POLR2B: variants seen among roughly 807,000 people sequenced by gnomAD.
POLR2B encodes the protein RNA polymerase II subunit B, also known as DNA-directed RNA polymerase II subunit RPB2.
A neutral mutation model predicts 144.6 loss-of-function variants in POLR2B; 57 were observed. The observed-to-expected ratio is 0.39, with a 90% CI of 0.32 to 0.49. The LOEUF is 0.49. Among genes scored for constraint, POLR2B ranks in the 20% least tolerant of loss-of-function variants. The pLI is 0.83. For synonymous variants in POLR2B, 442 were observed against 469.8 expected (o/e 0.94, Z 0.77); for missense variants, 595 against 1,467.4 (o/e 0.41, Z 9.71).
chr4:56,985,128 TA>T, intron 1 of POLR2B: 1 of 159,312 alleles, frequency 6.3e-6, no homozygotes, highest in Non-Finnish European at 1.3e-5. Flanking sequence ...ACTCAAGGAC[TA>T]AAATTGCTAA....
chr4:57,002,143 T>A (rs1722874910), intron 7 of POLR2B, among the ~76,000 whole-genome samples: 1 of 152,162 alleles, frequency 6.6e-6, no homozygotes, highest in African/African-American at 2.4e-5. Context: ...TTCTCCCACC[T>A]CAGCCTCCTG....
chr4:56,991,419 T>C (rs1722504731), intron 3 of POLR2B, among the ~76,000 whole-genome samples: 2 of 152,234 alleles, frequency 1.3e-5, no homozygotes, highest in Non-Finnish European at 2.9e-5. Flanking sequence ...TTTTATAATT[T>C]GGTTTTACAT....
At position 57,023,352 on chromosome 4, in the gene POLR2B, CA is replaced by C; in HGVS notation, c.2540del (p.Lys847SerfsTer7). On this transcript the variant is annotated frameshift_variant, in exon 19 of 25. Transcript: ENST00000314595. LOFTEE classifies it high-confidence loss of function. The surrounding 1 kb of genome is among the most constrained non-coding windows in gnomAD (Gnocchi z 4.3). The stretch of plus-strand genomic sequence containing the variant: ...CAGGCATGAGGCATGCCATTTACGA[CA>C]AGCTGGATGATGATGGTTTGATAGC... ...CQGMRHAIYD[K>X]LDDDGLIAPG... 1 of 1,613,946 alleles carries C rather than the reference CA, an allele frequency of 6.2e-7. No individual in the cohort carries two copies. Among genetic ancestry groups the C allele is most frequent in the Non-Finnish European group, 8.5e-7 (1 of 1,179,886 alleles).
At chr4:57,021,701 A>G (rs1362454861) in intron 17 of POLR2B, among the ~76,000 whole-genome samples, 3 of 151,954 alleles carry the variant, frequency 2.0e-5, no homozygotes, top group African/African-American at 7.3e-5. Context: ...GGGTTTCACC[A>G]TGTTGGCCAG....
chr4:56,987,063 C>T (rs1025632715), intron 2 of POLR2B, among the ~76,000 whole-genome samples: 2 of 152,020 alleles, frequency 1.3e-5, no homozygotes, highest in African/African-American at 2.4e-5. Flanking sequence ...TTGAAGAATA[C>T]GGGCCAGTTA....
At position 57,023,188 on chromosome 4, in the gene POLR2B, T is replaced by C; in HGVS notation, c.2516-142T>C. 2 of 717,556 alleles carry C rather than the reference T, an allele frequency of 2.8e-6. No individual in the cohort carries two copies. Among genetic ancestry groups the C allele is most frequent in the Non-Finnish European group, 4.6e-6 (2 of 436,270 alleles). The allele number at this position is 717,556 out of a possible 1,614,324, so 44.4% of individuals were successfully genotyped here. A position where few individuals can be genotyped will look rare whatever the true frequency, so the allele number is the denominator to read the frequency against. On this transcript the variant is annotated intron_variant, in intron 18 of 24. Transcript: ENST00000314595. This position sits in a 1 kb window ranked among gnomAD's most constrained non-coding sequence, Gnocchi z 4.3. ...TGGGCTGTAGTATTAGAGTTCAGAA[T>C]AGTTTGTAATATTTGGAATAAGGGT...
intron 1 of POLR2B, 23 bp from the exon 2 acceptor site, chr4:56,986,331 G>T (rs1167663085): frequency 6.2e-6 from 9 of 1,459,060 alleles, no homozygotes; most frequent in Non-Finnish European, 7.7e-6. Context: ...TTGCAAATGA[G>T]TACAATATTT....
chr4:56,999,646 C>T lies in POLR2B; in HGVS notation c.765C>T (p.Arg255=), dbSNP rs1233685740. Reference sequence around the variant, plus strand: ...CCAAGAAGAGTGCTATTGGTCAGCGCATTGTGGCAACTCTACCATATATCA... The same window carrying T: ...CCAAGAAGAGTGCTATTGGTCAGCGTATTGTGGCAACTCTACCATATATCA... ...QGAKKSAIGQ[R]IVATLPYIKQ... is the part of the protein sequence containing the mutation. The change falls in exon 7 of 25, where the codon CGC becomes CGT. Residue 255 remains arginine (R), a synonymous_variant. Transcript: ENST00000314595. The T allele has an allele frequency of 5.0e-6, 8 of 1,612,082 alleles. No homozygotes were observed. In the Admixed American group the frequency reaches 1.3e-4, roughly 27 times the overall value.
Position 57,020,831 on chromosome 4 carries a change from T to A in POLR2B, c.2324-68T>A, listed in dbSNP as rs1322093341. 6 of 865,198 alleles carry A rather than the reference T, an allele frequency of 6.9e-6. No individual in the cohort carries two copies. The African/African-American group carries it at 9.9e-5, about 14-fold the overall frequency. 53.6% of individuals were successfully genotyped at this position (865,198 alleles called of 1,614,324 possible). A position where few individuals can be genotyped will look rare whatever the true frequency, so the allele number is the denominator to read the frequency against. On this transcript the variant is annotated intron_variant, in intron 16 of 24. Transcript: ENST00000314595. ...GCAAATATGATGTAATTAAAGTTGA[T>A]TTAAAGAAAGGGCAGTTTTTCTGTT... is the stretch of plus-strand genomic sequence containing the variant.
intron 23 of POLR2B, 59 bp downstream of exon 23, chr4:57,025,596 C>T: frequency 8.3e-7 from 1 of 1,201,134 alleles, no homozygotes; most frequent in Non-Finnish European, 1.2e-6. Flanking sequence ...AAAATGTCAA[C>T]ACACCAAAAT....
At chr4:57,027,257 C>T (rs927968600) in intron 23 of POLR2B, among the ~76,000 whole-genome samples, 1 of 152,098 alleles carries the variant, frequency 6.6e-6, no homozygotes, top group Admixed American at 6.6e-5. Flanking sequence ...GATCCGCCTG[C>T]CTTGGCCTTC....
At chr4:57,000,526 C>A (rs955458939) in intron 7 of POLR2B, among the ~76,000 whole-genome samples, 4 of 152,150 alleles carry the variant, frequency 2.6e-5, no homozygotes, top group African/African-American at 9.7e-5. Context: ...CTTTATCATT[C>A]ATTCTTTCTA....
chr4:57,019,814 C>G (rs187903693), intron 16 of POLR2B, among the ~76,000 whole-genome samples: 1 of 137,636 alleles, frequency 7.3e-6, no homozygotes, highest in Non-Finnish European at 1.5e-5. Flanking sequence ...TCAAACCTAA[C>G]GATGTCTTTA....
chr4:57,029,429 A>T (rs1723836912), intron 23 of POLR2B, among the ~76,000 whole-genome samples: 1 of 152,190 alleles, frequency 6.6e-6, no homozygotes, highest in Non-Finnish European at 1.5e-5. Context: ...CTGGTTGTCT[A>T]ATGATCCAGA....
chr4:57,023,412 T>C lies in POLR2B; in HGVS notation c.2598T>C (p.Ile866=), dbSNP rs1020609961. The C allele has an allele frequency of 6.2e-7, 1 of 1,613,914 alleles. No homozygotes were observed. Among genetic ancestry groups the C allele is most frequent in the Non-Finnish European group, 8.5e-7 (1 of 1,179,950 alleles). Residue 866 remains isoleucine (I), a synonymous_variant, in exon 19 of 25, where the codon ATT becomes ATC. Transcript: ENST00000314595. This position sits in a 1 kb window ranked among gnomAD's most constrained non-coding sequence, Gnocchi z 4.3. ...PGVRVSGDDV[I]IGKTVTLPEN... Reference sequence around the variant, plus strand: ...TTCGTGTATCAGGAGATGATGTTATTATAGGCAAAACAGTCACCTTGCCTG... The same window carrying C: ...TTCGTGTATCAGGAGATGATGTTATCATAGGCAAAACAGTCACCTTGCCTG...
At chr4:57,021,352 T>C (rs2109711568) in intron 17 of POLR2B, among the ~76,000 whole-genome samples, 1 of 152,324 alleles carries the variant, frequency 6.6e-6, no homozygotes, top group Middle Eastern at 3.4e-3. Flanking sequence ...CAAACAGACC[T>C]CAAATTCAAG....
chr4:56,995,231 C>A lies in POLR2B; in HGVS notation c.577-20C>A. On this transcript the variant is annotated intron_variant, in intron 5 of 24. Transcript: ENST00000314595. ...GATGTTTTGGATTTTATGGCTGTAA[C>A]TTTCTTATTGTCCAAATAGGTTCTG... The A allele has an allele frequency of 6.3e-7, 1 of 1,577,582 alleles. No homozygotes were observed. The highest frequency in any genetic ancestry group is 8.7e-7 in the Non-Finnish European group (1 of 1,155,956).
chr4:57,020,954 T>G lies in POLR2B; in HGVS notation c.2379T>G (p.Ser793=). ...ACACTGGATATAATCAGGAAGACTC[T>G]GTTATCATGAATCGTTCAGCTGTAG... is the stretch of plus-strand genomic sequence containing the variant. ...ASYTGYNQED[S]VIMNRSAVDR... is the part of the protein sequence containing the mutation. The change falls in exon 17 of 25, where the codon TCT becomes TCG. Residue 793 remains serine, a synonymous_variant. Coordinates refer to ENST00000314595, the MANE Select transcript of POLR2B (RefSeq NM_000938.3). The G allele has an allele frequency of 6.2e-7, 1 of 1,608,128 alleles. No individual in the cohort carries two copies. Among genetic ancestry groups the G allele is most frequent in the Non-Finnish European group, 8.5e-7 (1 of 1,174,460 alleles).
At chr4:57,009,744 A>ACT (rs769351516) in intron 10 of POLR2B, 5 of 148,630 alleles carry the variant, frequency 3.4e-5, no homozygotes, top group Non-Finnish European at 7.3e-5. Flanking sequence ...AAGACTTAGG[A>ACT]AAGAGGAAGA....
Sources: gnomAD v4.1 joint callset for allele counts (sites outside exome capture counted in the v4.1 genomes callset) on GRCh38, gnomAD v4.1.1 for gene constraint, Gnocchi (gnomAD v3.1) non-coding constraint, MANE v1.5 for transcripts, NCBI Gene and HGNC (gene_info 2026-07-23, HGNC 2026-07-21) for gene names.